The following COMMD1 variants were observed in gnomAD, a reference collection of about 807,000 sequenced individuals.
The protein encoded by COMMD1 is copper metabolism domain containing 1.
Under a neutral mutation model 17.2 loss-of-function variants are expected in COMMD1, and 10 were observed. That is an observed-to-expected ratio of 0.58 (90% confidence interval 0.36 to 0.99). The LOEUF (loss-of-function observed/expected upper bound fraction) is 0.99. Ranked by LOEUF, COMMD1 falls within the 50% of genes least tolerant of loss-of-function variation. The pLI is 0.01. For synonymous variants in COMMD1, 97 were observed against 91.6 expected (o/e 1.06, Z -0.34); for missense variants, 270 against 231.8 (o/e 1.17, Z -1.07).
chr2:62,088,769 A>C (rs1251290750), intron 2 of COMMD1, among the ~76,000 whole-genome samples: 3 of 152,258 alleles, frequency 2.0e-5, no homozygotes, highest in Non-Finnish European at 4.4e-5. Flanking sequence ...TTCTGAGCTA[A>C]ATATGAGTGA....
intron 2 of COMMD1, among the ~76,000 whole-genome samples, chr2:62,064,110 G>T (rs571354340): frequency 1.3e-5 from 2 of 151,598 alleles, no homozygotes; most frequent in Admixed American, 1.3e-4. Context: ...AGTTCTTACA[G>T]GTCTAAATGC....
intron 2 of COMMD1, among the ~76,000 whole-genome samples, chr2:62,002,876 C>T (rs950937769): frequency 6.6e-6 from 1 of 151,900 alleles, no homozygotes; most frequent in Admixed American, 6.6e-5. Context: ...TATGGAATAC[C>T]TTTTATTCAG....
At chr2:61,990,644 G>A (rs1672222531) in intron 1 of COMMD1, among the ~76,000 whole-genome samples, 1 of 152,142 alleles carries the variant, frequency 6.6e-6, no homozygotes, top group Non-Finnish European at 1.5e-5. Context: ...GGTGGAAGGT[G>A]AAAGTCATGT....
At chr2:62,094,154 CTTG>C (rs1381099718) in intron 2 of COMMD1, among the ~76,000 whole-genome samples, 1 of 152,178 alleles carries the variant, frequency 6.6e-6, no homozygotes, top group Non-Finnish European at 1.5e-5. Flanking sequence ...TCGTCTTCCT[CTTG>C]TTGTTCACCT....
intron 1 of COMMD1, among the ~76,000 whole-genome samples, chr2:61,967,879 G>A (rs1573011928): frequency 6.6e-6 from 1 of 152,098 alleles, no homozygotes; most frequent in African/African-American, 2.4e-5. Context: ...TAAGAAAATA[G>A]GCTGGGTGTG....
intron 2 of COMMD1, among the ~76,000 whole-genome samples, chr2:62,096,758 G>A (rs1672022708): frequency 6.6e-6 from 1 of 152,212 alleles, no homozygotes; most frequent in Non-Finnish European, 1.5e-5. Context: ...ACTTGGGGAG[G>A]CAAAATTGTA....
At chr2:62,011,748 C>G (rs913057438) in intron 2 of COMMD1, among the ~76,000 whole-genome samples, 4 of 151,996 alleles carry the variant, frequency 2.6e-5, no homozygotes, top group Non-Finnish European at 5.9e-5. Context: ...GATGGAAGAG[C>G]CTTACCAAAG....
At chr2:61,902,736 T>A (rs1669684838), upstream of COMMD1, among the ~76,000 whole-genome samples, 1 of 152,148 alleles carries the variant, frequency 6.6e-6, no homozygotes, top group Non-Finnish European at 1.5e-5. Context: ...TATTCCCAGC[T>A]ACTTAGCCTG....
At chr2:62,111,740 C>A (rs1672461819) in intron 2 of COMMD1, among the ~76,000 whole-genome samples, 1 of 152,180 alleles carries the variant, frequency 6.6e-6, no homozygotes, top group African/African-American at 2.4e-5. Context: ...GAGGGTACTT[C>A]TGGGGCCATC....
chr2:61,967,105 A>G (rs1359345131), intron 1 of COMMD1, among the ~76,000 whole-genome samples: 2 of 152,152 alleles, frequency 1.3e-5, no homozygotes, highest in Admixed American at 6.5e-5. Context: ...AAATGGGGCC[A>G]GTTGATGAAG....
intron 2 of COMMD1, among the ~76,000 whole-genome samples, chr2:62,010,461 A>G (rs1669247460): frequency 1.3e-5 from 2 of 152,134 alleles, no homozygotes; most frequent in African/African-American, 4.8e-5. Context: ...TACCATCTAT[A>G]TGGTAATGAC....
At chr2:62,019,952 A>T (rs1669567433) in intron 2 of COMMD1, among the ~76,000 whole-genome samples, 1 of 152,214 alleles carries the variant, frequency 6.6e-6, no homozygotes, top group African/African-American at 2.4e-5. Context: ...CTTCAGCCAC[A>T]GATTATTTAC....
Position 61,905,701 on chromosome 2 carries a change from G to T in COMMD1, c.23G>T (p.Gly8Val). Residue 8 changes from glycine to valine, a missense_variant, in exon 1 of 3, where the codon GGT becomes GTT. Gly to Val is a moderately radical substitution (Grantham distance 109, BLOSUM62 -3). Coordinates refer to ENST00000311832, the MANE Select transcript of COMMD1 (RefSeq NM_152516.4). ...AGCATGGCGGCGGGCGAGCTTGAGG[G>T]TGGCAAACCCCTGAGCGGGCTGCTG... Reference protein sequence around the residue: MAAGELEGGKPLSGLLNA... With the variant: MAAGELEVGKPLSGLLNA... 1 of 1,585,152 alleles carries T rather than the reference G, an allele frequency of 6.3e-7. No homozygotes were observed. The highest frequency in any genetic ancestry group is 1.8e-5 in the Admixed American group (1 of 55,974).
intron 1 of COMMD1, among the ~76,000 whole-genome samples, chr2:61,975,763 T>A (rs1671784897): frequency 6.6e-6 from 1 of 152,202 alleles, no homozygotes; most frequent in Non-Finnish European, 1.5e-5. Flanking sequence ...TCTCCAAGTA[T>A]TGTGGGGTTT....
chr2:62,010,902 A>G (rs1174357052), intron 2 of COMMD1, among the ~76,000 whole-genome samples: 1 of 152,228 alleles, frequency 6.6e-6, no homozygotes, highest in East Asian at 1.9e-4. Context: ...TGCATAACTC[A>G]GAAAATATAT....
intron 1 of COMMD1, among the ~76,000 whole-genome samples, chr2:61,930,804 G>A (rs1670447027): frequency 6.6e-6 from 1 of 151,096 alleles, no homozygotes; most frequent in South Asian, 2.1e-4. Context: ...GGCAACTGAG[G>A]TAGTGTGTGT....
At chr2:61,994,773 G>A (rs1008346257) in intron 1 of COMMD1, among the ~76,000 whole-genome samples, 3 of 152,068 alleles carry the variant, frequency 2.0e-5, no homozygotes, top group Non-Finnish European at 2.9e-5. Context: ...TTGCCAAAAG[G>A]TCCAAGAAAA....
intron 1 of COMMD1, among the ~76,000 whole-genome samples, chr2:61,964,073 G>A (rs571068093): frequency 4.6e-5 from 7 of 152,286 alleles, no homozygotes; most frequent in East Asian, 1.9e-4. Context: ...ACTTTCAGTC[G>A]GAAGTAGATA....
chr2:61,891,934 C>A (rs560261887), intron 1 of COMMD1, among the ~76,000 whole-genome samples: 3 of 151,734 alleles, frequency 2.0e-5, no homozygotes, highest in Non-Finnish European at 2.9e-5. Flanking sequence ...CGGGTTCACG[C>A]CATTCTCCTG....
Sources: allele counts gnomAD v4.1 joint callset (sites outside exome capture counted in the v4.1 genomes callset), GRCh38; gene constraint gnomAD v4.1.1; transcripts MANE v1.5; gene names NCBI Gene and HGNC (gene_info 2026-07-23, HGNC 2026-07-21).